The following TEK variants were observed in gnomAD, a reference collection of about 807,000 sequenced individuals.
TEK encodes TEK receptor tyrosine kinase.
A neutral mutation model predicts 131.8 loss-of-function variants in TEK; 43 were observed. The ratio of observed to expected loss-of-function variants is 0.33; its 90% CI spans 0.26 to 0.42. The LOEUF (loss-of-function observed/expected upper bound fraction) is 0.42, where lower values mean the gene tolerates loss of function less well. Ranked by LOEUF, TEK falls within the 10% of genes least tolerant of loss-of-function variation. TEK has a pLI of 1.00. For missense variants in TEK, 1,162 were observed against 1,384.4 expected, an observed-to-expected ratio of 0.84 and a Z score of 2.55; for synonymous variants, 580 against 491.6, an observed-to-expected ratio of 1.18 and a Z score of -2.38.
chr9:27,205,043 T>A lies in TEK; in HGVS notation c.2342T>A (p.Met781Lys). 1 of 1,614,020 alleles carries A rather than the reference T, an allele frequency of 6.2e-7. No homozygotes were observed. The highest frequency in any genetic ancestry group is 8.5e-7 in the Non-Finnish European group (1 of 1,179,912). The change falls in exon 14 of 23, where the codon ATG becomes AAG. Residue 781 changes from methionine (M) to lysine (K), a missense_variant. Coordinates refer to ENST00000380036, the MANE Select transcript of TEK (RefSeq NM_000459.5). ...QLKRANVQRR[M>K]AQAFQNVREE... is the part of the protein sequence containing the mutation. ...AAGAGGGCAAATGTGCAAAGGAGAA[T>A]GGCCCAAGCCTTCCAAAACGTGGTA...
rs981070396 is a variant in TEK, at chr9:27,131,734, G to A, written c.52+22092G>A. ...GCTGAGGCAGGTCTCTTGAGCCCTG[G>A]ATGTAGAGGCTTCAGTGAGCCATGA... is the stretch of plus-strand genomic sequence containing the variant. On this transcript the variant is annotated intron_variant, in intron 1 of 22. Transcript: ENST00000380036. Among the ~76,000 whole-genome samples, 3 of 150,898 alleles carry A rather than the reference G, an allele frequency of 2.0e-5. No individual in the cohort carries two copies. The East Asian group carries it at 5.8e-4, about 29-fold the overall frequency.
Position 27,181,211 on chromosome 9 carries a change from A to G in TEK, c.1030+843A>G, listed in dbSNP as rs566912957. Among the ~76,000 whole-genome samples the G allele has an allele frequency of 3.9e-5, 6 of 152,324 alleles. 1 individual carries two copies. The highest frequency in any genetic ancestry group is 1.4e-4 in the African/African-American group (6 of 41,572). On this transcript the variant is annotated intron_variant, in intron 7 of 22. Coordinates refer to ENST00000380036, the MANE Select transcript of TEK (RefSeq NM_000459.5). ...CTTCTGTTGACGAGAAGCCTTACCA[A>G]TAACATAGTCAATTAACACAGAGAC...
intron 1 of TEK, among the ~76,000 whole-genome samples, chr9:27,146,119 A>G (rs575817898): frequency 1.7e-4 from 26 of 152,162 alleles, no homozygotes; most frequent in African/African-American, 6.0e-4. Context: ...AACTTATAAT[A>G]CCCTATTACA....
intron 4 of TEK, among the ~76,000 whole-genome samples, chr9:27,170,232 C>T (rs895868438): frequency 1.3e-5 from 2 of 152,188 alleles, no homozygotes; most frequent in African/African-American, 2.4e-5. Flanking sequence ...TACTGGGTTC[C>T]TCCCACAACA....
Position 27,229,772 on chromosome 9 carries a change from T to C in TEK, c.*540T>C, listed in dbSNP as rs1826491742. 1 of 164,866 alleles carries C rather than the reference T, an allele frequency of 6.1e-6. No individual in the cohort carries two copies. The highest frequency in any genetic ancestry group is 1.3e-5 in the Non-Finnish European group (1 of 74,742). 10.2% of individuals were successfully genotyped at this position (164,866 alleles called of 1,614,324 possible). ...TTCTCTCTCAATTTTATCCCTCACC[T>C]GTAGCAGCCAGTCCCGTTTCATTTA... On this transcript the variant is annotated 3_prime_UTR_variant, in exon 23 of 23. Coordinates refer to ENST00000380036, the MANE Select transcript of TEK (RefSeq NM_000459.5).
chr9:27,228,309 A>C lies in TEK; in HGVS notation c.3300+4A>C, dbSNP rs1346996004. On this transcript the variant is annotated splice_donor_region_variant and intron_variant, in intron 22 of 22. Transcript: ENST00000380036. Reference sequence around the variant, plus strand: ...CAGAATGTTAGAGGAGCGAAAGGTAAGTATTAAAGTCAGGCAGGAGATCTT... The same window carrying C: ...CAGAATGTTAGAGGAGCGAAAGGTACGTATTAAAGTCAGGCAGGAGATCTT... 1.2e-6 allele frequency: 2 copies of C among 1,608,348 alleles called. No individual in the cohort carries two copies. The highest frequency in any genetic ancestry group is 4.5e-5 in the East Asian group (2 of 44,822).
At chr9:27,168,454 T>C (rs1193111999) in intron 2 of TEK, 41 bp from the exon 3 acceptor site, 1 of 1,478,906 alleles carries the variant, frequency 6.8e-7, no homozygotes. Flanking sequence ...GGAGAAAATG[T>C]GTGATCCCAT....
chr9:27,180,488 G>A, intron 7 of TEK, 120 bp downstream of exon 7: 1 of 1,389,622 alleles, frequency 7.2e-7, no homozygotes, highest in African/African-American at 1.4e-5. Context: ...CCATCCAGAA[G>A]TTGGGAATAG....
rs565733198 is a variant in TEK, at chr9:27,120,774, C to T, written c.52+11132C>T. Among the ~76,000 whole-genome samples, 19 of 152,340 alleles carry T rather than the reference C, an allele frequency of 1.2e-4. No individual in the cohort carries two copies. The Middle Eastern group carries it at 0.01, about 82-fold the overall frequency. On this transcript the variant is annotated intron_variant, in intron 1 of 22. Coordinates refer to ENST00000380036, the MANE Select transcript of TEK (RefSeq NM_000459.5). ...TAGGTGAGCTACTTTGAGACTGCAC[C>T]TGCTCAAGGATCAGAAGTGGCCCTT...
intron 9 of TEK, among the ~76,000 whole-genome samples, chr9:27,187,669 A>G (rs1490548986): frequency 6.6e-6 from 1 of 152,112 alleles, no homozygotes; most frequent in Non-Finnish European, 1.5e-5. Flanking sequence ...ACAGGAATTT[A>G]TTTTCTCATA....
chr9:27,226,567 G>T (rs12350042), intron 21 of TEK, among the ~76,000 whole-genome samples: 1 of 150,864 alleles, frequency 6.6e-6, no homozygotes, highest in Non-Finnish European at 1.5e-5. Flanking sequence ...AATATCACAC[G>T]CCTATCGGGG....
intron 12 of TEK, among the ~76,000 whole-genome samples, chr9:27,199,000 A>G (rs1484763549): frequency 3.3e-5 from 5 of 151,608 alleles, no homozygotes; most frequent in Non-Finnish European, 5.9e-5. Flanking sequence ...GGATCTCCCT[A>G]TGTTGCCCAG....
chr9:27,185,670 C>T (rs12685756), intron 9 of TEK, 41 bp downstream of exon 9: 26 of 1,611,828 alleles, frequency 1.6e-5, no homozygotes, highest in Non-Finnish European at 2.0e-5. Context: ...GTCCTTGATG[C>T]ATTATGTTTT....
rs749007858 is a variant in TEK at position 27,191,862 on chromosome 9, C to T, written c.1490-627C>T. ...GTGGTCTTCTAAGAACTGTTAAACA[C>T]ATCCCAGTTTTTTTTCTTACCAAGT... On this transcript the variant is annotated intron_variant, in intron 10 of 22. Transcript: ENST00000380036. 1.3e-4 allele frequency: 58 copies of T among 447,210 alleles called. 1 individual carries two copies. In the Middle Eastern group the frequency reaches 3.7e-3, roughly 29 times the overall value. 27.7% of individuals were successfully genotyped at this position (447,210 alleles called of 1,614,324 possible).
At chr9:27,215,124 T>G (rs2131233387) in intron 18 of TEK, among the ~76,000 whole-genome samples, 1 of 152,316 alleles carries the variant, frequency 6.6e-6, no homozygotes, top group South Asian at 2.1e-4. Flanking sequence ...ACCCATTCTA[T>G]TTGGATGCTC....
chr9:27,156,055 G>A (rs1221003285), intron 1 of TEK, among the ~76,000 whole-genome samples: 2 of 151,980 alleles, frequency 1.3e-5, no homozygotes, highest in Admixed American at 6.6e-5. Flanking sequence ...CCCCTGCCTC[G>A]GCCTCCCAAA....
At chr9:27,224,010 G>C (rs957524336) in intron 21 of TEK, among the ~76,000 whole-genome samples, 3 of 152,190 alleles carry the variant, frequency 2.0e-5, no homozygotes, top group Non-Finnish European at 4.4e-5. Context: ...AGAACATCTA[G>C]AAGAAATGGA....
At chr9:27,116,492 T>A (rs1821562751) in intron 1 of TEK, among the ~76,000 whole-genome samples, 1 of 152,132 alleles carries the variant, frequency 6.6e-6, no homozygotes, top group African/African-American at 2.4e-5. Flanking sequence ...CTTCACCACG[T>A]TGGCCATGTC....
chr9:27,201,599 A>G (rs1178357894), intron 12 of TEK, among the ~76,000 whole-genome samples: 1 of 152,186 alleles, frequency 6.6e-6, no homozygotes, highest in Non-Finnish European at 1.5e-5. Context: ...AGAACATAAC[A>G]ATCAGATTTG....
Sources: gnomAD v4.1 joint callset for allele counts (sites outside exome capture counted in the v4.1 genomes callset) on GRCh38, gnomAD v4.1.1 for gene constraint, MANE v1.5 for transcripts, NCBI Gene and HGNC (gene_info 2026-07-23, HGNC 2026-07-21) for gene names.